The following RPS6 variants were observed in gnomAD, a reference collection of about 807,000 sequenced individuals.
RPS6 encodes small ribosomal subunit protein eS6.
RPS6 carries 1 observed loss-of-function variant against 27.1 expected under a neutral mutation model. That is an observed-to-expected ratio of 0.04 (90% CI 0.01 to 0.18). The LOEUF (loss-of-function observed/expected upper bound fraction) is 0.18. Among genes scored for constraint, RPS6 ranks in the 10% least tolerant of loss-of-function variants. RPS6 has a pLI of 1.00. For synonymous variants in RPS6, 152 were observed against 106.0 expected, an observed-to-expected ratio of 1.43 and a Z score of -2.66; for missense variants, 259 against 319.1, an observed-to-expected ratio of 0.81 and a Z score of 1.44.
chr9:19,379,961 C>T, intron 1 of RPS6: 1 of 1,438,868 alleles, frequency 6.9e-7, no homozygotes, highest in Non-Finnish European at 9.1e-7. Flanking sequence ...CCCGGCTGGG[C>T]GCGGGGACGC....
At chr9:19,378,574 G>T in intron 3 of RPS6, 60 bp from the exon 4 acceptor site, 2 of 1,595,548 alleles carry the variant, frequency 1.3e-6, no homozygotes, top group Non-Finnish European at 8.6e-7. Flanking sequence ...TCCTAAATCA[G>T]AATGTTTAAT....
At chr9:19,378,944 C>T (rs1405636788) in intron 2 of RPS6, 26 bp from the exon 3 acceptor site, 10 of 1,604,378 alleles carry the variant, frequency 6.2e-6, no homozygotes, top group African/African-American at 5.4e-5. Context: ...ATGAATGACA[C>T]ATTTACTATT....
Position 19,380,063 on chromosome 9 carries a change from T to G in RPS6, c.6+127A>C, listed in dbSNP as rs566233320. ...CTCCATGCCCCAGAAAGGCGAGCCT[T>G]CTCCTACTTGAGACCCTTCTCCACC... On this transcript the variant is annotated intron_variant, in intron 1 of 5. Coordinates refer to ENST00000380394, the MANE Select transcript of RPS6 (RefSeq NM_001010.3). 1,797 of 1,597,818 alleles carry G rather than the reference T, an allele frequency of 1.1e-3. 5 individuals are homozygous for G. Among genetic ancestry groups the G allele is most frequent in the Non-Finnish European group, 1.3e-3 (1,570 of 1,170,898 alleles).
chr9:19,379,171 T>C, intron 2 of RPS6: 2 of 877,824 alleles, frequency 2.3e-6, no homozygotes, highest in Non-Finnish European at 1.7e-6. Context: ...GAAGATAAAA[T>C]ATCAAACAGC....
At chr9:19,378,581 T>C (rs1829627494) in intron 3 of RPS6, 67 bp from the exon 4 acceptor site, 9 of 1,588,382 alleles carry the variant, frequency 5.7e-6, no homozygotes, top group Non-Finnish European at 7.7e-6. Context: ...TCAGAATGTT[T>C]AATGTTGAAT....
In RPS6 at chr9:19,376,023, G is replaced by A. The variant is rs1829574400; in HGVS notation, c.*270C>T. The A allele has an allele frequency of 6.1e-6, 2 of 325,428 alleles. No homozygotes were observed. The highest frequency in any genetic ancestry group is 4.2e-5 in the African/African-American group (2 of 47,504). 20.2% of individuals were successfully genotyped at this position (325,428 alleles called of 1,614,324 possible). A position where few individuals can be genotyped will look rare whatever the true frequency, so the allele number is the denominator to read the frequency against. ...TAATAGTCCTCATCATTTCCCCTAA[G>A]TTCCATGCCATTCTGAAGAGGCAGG... On this transcript the variant is annotated 3_prime_UTR_variant, in exon 6 of 6. Transcript: ENST00000380394.
At chr9:19,378,537 A>AT in intron 3 of RPS6, 23 bp from the exon 4 acceptor site, 1 of 1,605,476 alleles carries the variant, frequency 6.2e-7, no homozygotes, top group Non-Finnish European at 8.5e-7. Context: ...AGTTGAAGAG[A>AT]TTTTAATTCA....
Position 19,376,033 on chromosome 9 carries a change from A to G in RPS6, c.*260T>C. 1 of 353,430 alleles carries G rather than the reference A, an allele frequency of 2.8e-6. No individual in the cohort carries two copies. The highest frequency in any genetic ancestry group is 4.8e-5 in the East Asian group (1 of 20,924). The allele number at this position is 353,430 out of a possible 1,614,324, so 21.9% of individuals were successfully genotyped here. On this transcript the variant is annotated 3_prime_UTR_variant, in exon 6 of 6. Transcript: ENST00000380394. ...CATCATTTCCCCTAAGTTCCATGCC[A>G]TTCTGAAGAGGCAGGTGTCTTATGC...
intron 4 of RPS6, among the ~76,000 whole-genome samples, 162 bp downstream of exon 4, chr9:19,378,206 C>T (rs35567310): frequency 0.19 from 29,487 of 152,112 alleles, 5,115 homozygotes; most frequent in African/African-American, 0.46. Flanking sequence ...CAAGGATTAA[C>T]ACCAACTGGG....
At chr9:19,378,288 T>C (rs565709392) in intron 4 of RPS6, 80 bp downstream of exon 4, 9 of 1,417,190 alleles carry the variant, frequency 6.4e-6, no homozygotes, top group East Asian at 2.3e-5. Context: ...CAAAGGCACA[T>C]ATTTATCTTC....
At position 19,376,082 on chromosome 9, in the gene RPS6, C is replaced by T; in HGVS notation, c.*211G>A. ...GCTCAGAATCCCTTCCTGTGCCACC[C>T]ATCCCCTGAAAGGAACCCCTGTACA... On this transcript the variant is annotated 3_prime_UTR_variant, in exon 6 of 6. Transcript: ENST00000380394. 3 of 467,016 alleles carry T rather than the reference C, an allele frequency of 6.4e-6. No homozygotes were observed. Among genetic ancestry groups the T allele is most frequent in the Middle Eastern group, 1.2e-3 (2 of 1,670 alleles). 28.9% of individuals were successfully genotyped at this position (467,016 alleles called of 1,614,324 possible).
At position 19,376,003 on chromosome 9, in the gene RPS6, G is replaced by A. The variant is rs1829572897; in HGVS notation, c.*290C>T. Reference sequence around the variant, plus strand: ...ATAAACTATATAAAAAAGATTAATAGTCCTCATCATTTCCCCTAAGTTCCA... The same window carrying A: ...ATAAACTATATAAAAAAGATTAATAATCCTCATCATTTCCCCTAAGTTCCA... On this transcript the variant is annotated 3_prime_UTR_variant, in exon 6 of 6. Transcript: ENST00000380394. 5 of 267,030 alleles carry A rather than the reference G, an allele frequency of 1.9e-5. No individual in the cohort carries two copies. Among genetic ancestry groups the A allele is most frequent in the Non-Finnish European group, 3.6e-5 (5 of 140,380 alleles). The allele number at this position is 267,030 out of a possible 1,614,324, so 16.5% of individuals were successfully genotyped here.
At chr9:19,377,921 C>T (rs1341821813) in intron 4 of RPS6, among the ~76,000 whole-genome samples, 1 of 152,132 alleles carries the variant, frequency 6.6e-6, no homozygotes, top group Admixed American at 6.5e-5. Context: ...CTTTGGGAAG[C>T]CAAAGTGGGA....
At position 19,376,485 on chromosome 9, in the gene RPS6, T is replaced by TA. The variant is rs1473870394; in HGVS notation, c.654+8dup. 6.2e-7 allele frequency: 1 copy of TA among 1,613,702 alleles called. No homozygotes were observed. Reference sequence around the variant, plus strand: ...CTCCTCCCACCCCCTCAAATCATCTTAGACTAACCTTCATTCTCTTGGCCA... The same window carrying TA: ...CTCCTCCCACCCCCTCAAATCATCTTAAGACTAACCTTCATTCTCTTGGCCA... On this transcript the variant is annotated intron_variant, in intron 5 of 5. Transcript: ENST00000380394.
intron 5 of RPS6, 24 bp downstream of exon 5, chr9:19,376,470 C>A (rs775789170): frequency 3.7e-6 from 6 of 1,612,346 alleles, no homozygotes; most frequent in African/African-American, 1.3e-5. Flanking sequence ...CTCCTCCCAC[C>A]CCCTCAAATC....
intron 3 of RPS6, 79 bp downstream of exon 3, chr9:19,378,629 G>A (rs1829628221): frequency 6.4e-6 from 10 of 1,574,590 alleles, no homozygotes; most frequent in Non-Finnish European, 8.7e-6. Context: ...CTGTAAGTCT[G>A]GATACTGCAA....
chr9:19,376,267 C>A lies in RPS6; in HGVS notation c.*26G>T. ...AAGTCAACAGAGATCAGAGTCTGAT[C>A]TTATTTATTTGTTACTCAAAAAATC... On this transcript the variant is annotated 3_prime_UTR_variant, in exon 6 of 6. Coordinates refer to ENST00000380394, the MANE Select transcript of RPS6 (RefSeq NM_001010.3). 1 of 1,571,044 alleles carries A rather than the reference C, an allele frequency of 6.4e-7. No individual in the cohort carries two copies. The highest frequency in any genetic ancestry group is 1.1e-5 in the South Asian group (1 of 88,602).
chr9:19,378,681 C>G (rs116288835), intron 3 of RPS6, 27 bp downstream of exon 3: 9 of 1,609,852 alleles, frequency 5.6e-6, no homozygotes, highest in Non-Finnish European at 6.8e-6. Context: ...TCAATTTCAA[C>G]GAAAATTGAA....
At chr9:19,379,082 C>T (rs1829636464) in intron 2 of RPS6, 164 bp from the exon 3 acceptor site, 1 of 815,592 alleles carries the variant, frequency 1.2e-6, no homozygotes, top group Middle Eastern at 2.6e-4. Context: ...GTCTATATTC[C>T]CAACTTGTCA....
Sources: allele counts gnomAD v4.1 joint callset (sites outside exome capture counted in the v4.1 genomes callset), GRCh38; gene constraint gnomAD v4.1.1; transcripts MANE v1.5; gene names NCBI Gene and HGNC (gene_info 2026-07-23, HGNC 2026-07-21).